The following WWP1 variants were observed in gnomAD, a reference collection of about 807,000 sequenced individuals.
The protein encoded by WWP1 is WW domain containing E3 ubiquitin protein ligase 1, also known as NEDD4-like E3 ubiquitin-protein ligase WWP1.
WWP1 carries 49 observed loss-of-function variants against 130.6 expected under a neutral mutation model. The observed-to-expected ratio is 0.38, with a 90% CI of 0.30 to 0.48. The LOEUF is 0.48. Ranked by LOEUF, WWP1 falls within the 20% of genes least tolerant of loss-of-function variation. The probability of loss-of-function intolerance (pLI) is 0.99; values close to 1 mark genes in which losing one functional copy is unlikely to be tolerated. For missense variants in WWP1, 809 were observed against 1,100.6 expected, an observed-to-expected ratio of 0.74 and a Z score of 3.75; for synonymous variants, 332 against 367.8, an observed-to-expected ratio of 0.90 and a Z score of 1.11.
chr8:86,342,936 G>A lies in WWP1; in HGVS notation c.-115+6G>A, dbSNP rs2130014339. On this transcript the variant is annotated splice_donor_region_variant and intron_variant, in intron 1 of 24. Coordinates refer to ENST00000517970, the MANE Select transcript of WWP1 (RefSeq NM_007013.4). ...AGCCGACAGCTTCGCGCCGGGTAAG[G>A]ACGGCGCGGCGCGGGGCTGGGGGTG... is the stretch of plus-strand genomic sequence containing the variant. 3.5e-6 allele frequency: 1 copy of A among 284,370 alleles called. No individual in the cohort carries two copies. Among genetic ancestry groups the A allele is most frequent in the Non-Finnish European group, 6.4e-6 (1 of 155,314 alleles). 17.6% of individuals were successfully genotyped at this position (284,370 alleles called of 1,614,324 possible). A position where few individuals can be genotyped will look rare whatever the true frequency, so the allele number is the denominator to read the frequency against.
chr8:86,425,114 T>A (rs1563520845), intron 9 of WWP1, 109 bp from the exon 10 acceptor site: 1 of 703,092 alleles, frequency 1.4e-6, no homozygotes, highest in Non-Finnish European at 2.3e-6. Context: ...GTGTGTATAG[T>A]CTTTTAATGT....
In WWP1 at chr8:86,376,377, T is replaced by C. The variant is rs568532534; in HGVS notation, c.70+2257T>C. Among the ~76,000 whole-genome samples, 4 of 152,250 alleles carry C rather than the reference T, an allele frequency of 2.6e-5. No homozygotes were observed. The South Asian group carries it at 8.3e-4, about 32-fold the overall frequency. On this transcript the variant is annotated intron_variant, in intron 3 of 24. Transcript: ENST00000517970. Reference sequence around the variant, plus strand: ...TGAGGCCAGGAGTTTGTGACTGGCCTGGCCAACATGGTGAAACCCCATCTC... The same window carrying C: ...TGAGGCCAGGAGTTTGTGACTGGCCCGGCCAACATGGTGAAACCCCATCTC...
At chr8:86,389,862 G>A (rs1382462310) in intron 5 of WWP1, among the ~76,000 whole-genome samples, 4 of 151,844 alleles carry the variant, frequency 2.6e-5, no homozygotes, top group South Asian at 2.1e-4. Context: ...CAGATGGGGC[G>A]GCTGGCCGGG....
At chr8:86,428,246 C>G (rs1292391725) in intron 11 of WWP1, among the ~76,000 whole-genome samples, 1 of 152,166 alleles carries the variant, frequency 6.6e-6, no homozygotes, top group Admixed American at 6.5e-5. Context: ...AGAAGCAACA[C>G]TCATCTGTTT....
Position 86,442,713 on chromosome 8 carries a change from C to A in WWP1, c.1933C>A (p.Pro645Thr). The A allele has an allele frequency of 6.2e-7, 1 of 1,612,700 alleles. No homozygotes were observed. The highest frequency in any genetic ancestry group is 8.5e-7 in the Non-Finnish European group (1 of 1,179,436). ...GAACAACTATTGTCTGCAGATAAAT[C>A]CAGCATCAACCATTAATCCAGACCA... is the stretch of plus-strand genomic sequence containing the variant. ...GKNNYCLQINPASTINPDHLS... is the reference protein window; with the variant it reads ...GKNNYCLQINTASTINPDHLS... Residue 645 changes from proline to threonine, a missense_variant, in exon 18 of 25, where the codon CCA (proline) becomes ACA (threonine). Physicochemically the swap from Pro to Thr is conservative, Grantham distance 38. This residue lies in a region of WWP1 where 450 missense variants were observed against 674.2 expected (regional missense o/e 0.67). Transcript: ENST00000517970.
chr8:86,453,624 A>G (rs941652704), intron 21 of WWP1, among the ~76,000 whole-genome samples: 35 of 152,140 alleles, frequency 2.3e-4, no homozygotes, highest in Admixed American at 4.6e-4. Context: ...ACTGTTTTCT[A>G]TATCAGTTGC....
chr8:86,361,806 T>C (rs1381048841), intron 1 of WWP1, among the ~76,000 whole-genome samples: 1 of 151,912 alleles, frequency 6.6e-6, no homozygotes, highest in Non-Finnish European at 1.5e-5. Flanking sequence ...TTTGTTCTTC[T>C]GTAGTTACTG....
At chr8:86,394,849 C>T (rs1807563210) in intron 5 of WWP1, among the ~76,000 whole-genome samples, 1 of 150,894 alleles carries the variant, frequency 6.6e-6, no homozygotes, top group Non-Finnish European at 1.5e-5. Context: ...TAAACACCCT[C>T]CCACTGCAGA....
At chr8:86,431,787 G>A in intron 14 of WWP1, 44 bp downstream of exon 14, 1 of 1,605,858 alleles carries the variant, frequency 6.2e-7, no homozygotes. Context: ...TGCTTAGTGA[G>A]CACATGAGAT....
At chr8:86,392,445 T>C (rs535791320) in intron 5 of WWP1, among the ~76,000 whole-genome samples, 44 of 152,264 alleles carry the variant, frequency 2.9e-4, no homozygotes, top group African/African-American at 1.0e-3. Flanking sequence ...AGACTGAGGT[T>C]TTTTATTTAT....
At chr8:86,369,722 C>T (rs1406068455) in intron 2 of WWP1, among the ~76,000 whole-genome samples, 8 of 152,060 alleles carry the variant, frequency 5.3e-5, no homozygotes. Flanking sequence ...AATATCTTCA[C>T]CTATCCTTAA....
intron 24 of WWP1, among the ~76,000 whole-genome samples, chr8:86,464,545 T>G (rs1811934286): frequency 6.6e-6 from 1 of 152,172 alleles, no homozygotes; most frequent in Admixed American, 6.5e-5. Context: ...AGATAGAGTC[T>G]TGCTGTGTTA....
At chr8:86,349,613 T>G (rs761050870) in intron 1 of WWP1, among the ~76,000 whole-genome samples, 4 of 152,084 alleles carry the variant, frequency 2.6e-5, no homozygotes, top group Non-Finnish European at 5.9e-5. Flanking sequence ...GAAAGCTGAG[T>G]CTAAAAAGTG....
chr8:86,377,045 A>C (rs1824697763), intron 3 of WWP1, among the ~76,000 whole-genome samples: 1 of 152,104 alleles, frequency 6.6e-6, no homozygotes, highest in Non-Finnish European at 1.5e-5. Context: ...TTAGGACTCC[A>C]AGTTGTTGCT....
At chr8:86,355,035 A>G (rs980796103) in intron 1 of WWP1, among the ~76,000 whole-genome samples, 1 of 152,200 alleles carries the variant, frequency 6.6e-6, no homozygotes, top group African/African-American at 2.4e-5. Flanking sequence ...AATATGCACA[A>G]ATAGAGTTGA....
At chr8:86,450,352 G>A (rs747023542) in intron 20 of WWP1, among the ~76,000 whole-genome samples, 4 of 151,890 alleles carry the variant, frequency 2.6e-5, no homozygotes, top group Non-Finnish European at 4.4e-5. Context: ...CATTTATTAC[G>A]CTAGTTGGAA....
chr8:86,421,876 G>A (rs1034624526), intron 9 of WWP1, among the ~76,000 whole-genome samples: 1 of 151,766 alleles, frequency 6.6e-6, no homozygotes, highest in African/African-American at 2.4e-5. Context: ...ACAAATAATC[G>A]GGAAAAGCTA....
chr8:86,356,617 C>T (rs2130157411), intron 1 of WWP1, among the ~76,000 whole-genome samples: 1 of 151,990 alleles, frequency 6.6e-6, no homozygotes, highest in Non-Finnish European at 1.5e-5. Flanking sequence ...GTAACGATGC[C>T]AAAGAAAGCC....
chr8:86,383,201 A>G (rs1825081227), intron 5 of WWP1, among the ~76,000 whole-genome samples: 1 of 151,214 alleles, frequency 6.6e-6, no homozygotes. Context: ...TTTCTCAATG[A>G]GTCATGCAAT....
Sources: gnomAD v4.1 joint callset for allele counts (sites outside exome capture counted in the v4.1 genomes callset) on GRCh38, gnomAD v4.1.1 for gene constraint, gnomAD v4.1.1 regional missense constraint, MANE v1.5 for transcripts, NCBI Gene and HGNC (gene_info 2026-07-23, HGNC 2026-07-21) for gene names.